The following HDHD2 variants were observed in gnomAD, a reference collection of about 807,000 sequenced individuals.
HDHD2 encodes haloacid dehalogenase-like hydrolase domain-containing protein 2.
Under a neutral mutation model 24.8 loss-of-function variants are expected in HDHD2, and 26 were observed. The ratio of observed to expected loss-of-function variants is 1.05; its 90% confidence interval spans 0.77 to 1.45. HDHD2 has a LOEUF of 1.45. Among genes scored for constraint, HDHD2 ranks in the 40% most tolerant of loss-of-function variants. The pLI is 0.00. For synonymous variants in HDHD2, 128 were observed against 114.9 expected (o/e 1.11, Z -0.73); for missense variants, 299 against 313.4 (o/e 0.95, Z 0.35).
At chr18:47,127,647 T>C (rs990459736) in intron 4 of HDHD2, among the ~76,000 whole-genome samples, 2 of 150,438 alleles carry the variant, frequency 1.3e-5, no homozygotes, top group Non-Finnish European at 3.0e-5. Context: ...TTTTTTGTTT[T>C]TCGAGATGAG....
intron 4 of HDHD2, among the ~76,000 whole-genome samples, chr18:47,127,116 G>T (rs367780020): frequency 2.0e-5 from 3 of 151,834 alleles, no homozygotes; most frequent in African/African-American, 7.3e-5. Flanking sequence ...AGCCAAGATC[G>T]CACCACTGCA....
At chr18:47,116,370 A>G (rs1302041277) in intron 4 of HDHD2, among the ~76,000 whole-genome samples, 3 of 152,204 alleles carry the variant, frequency 2.0e-5, no homozygotes, top group African/African-American at 7.2e-5. Context: ...AGAATTCATC[A>G]TATCTTACCC....
chr18:47,139,181 G>A (rs533715812), intron 1 of HDHD2, among the ~76,000 whole-genome samples: 2 of 151,972 alleles, frequency 1.3e-5, no homozygotes, highest in East Asian at 3.9e-4. Context: ...TTTGTTGGCC[G>A]GGCACGGTGG....
At chr18:47,146,516 C>T (rs1204289679) in intron 1 of HDHD2, among the ~76,000 whole-genome samples, 2 of 152,174 alleles carry the variant, frequency 1.3e-5, no homozygotes, top group East Asian at 3.9e-4. Flanking sequence ...GAGATTCTTT[C>T]ACAGTGTACC....
intron 4 of HDHD2, among the ~76,000 whole-genome samples, chr18:47,123,552 A>C (rs1235097245): frequency 6.6e-6 from 1 of 152,198 alleles, no homozygotes; most frequent in African/African-American, 2.4e-5. Context: ...ATGCCATTGC[A>C]CTCCAGCCTG....
At chr18:47,111,227 CT>C in intron 6 of HDHD2, 1 of 985,218 alleles carries the variant, frequency 1.0e-6, no homozygotes, top group Non-Finnish European at 1.2e-6. Flanking sequence ...AAACTGATGC[CT>C]GTGAAAGGCT....
chr18:47,112,515 A>G lies in HDHD2; in HGVS notation c.676+462T>C, dbSNP rs138325770. On this transcript the variant is annotated intron_variant, in intron 6 of 6. Transcript: ENST00000300605. ...AACCTTTTGCTCACCACAAACGGTA[A>G]GTAAAGAGAAAAAAGAGTTTTTCAA... 1.7e-3 allele frequency among the ~76,000 whole-genome samples: 264 copies of G among 152,366 alleles called. 1 individual carries two copies. The highest frequency in any genetic ancestry group is 6.2e-3 in the African/African-American group (258 of 41,586).
At chr18:47,109,274 AAG>A (rs1005259459) in intron 6 of HDHD2, 5 of 154,204 alleles carry the variant, frequency 3.2e-5, no homozygotes, top group African/African-American at 4.8e-5. Context: ...TGGGGAGGAA[AAG>A]AGTGATGGAT....
At chr18:47,111,854 C>A in intron 6 of HDHD2, 1 of 965,532 alleles carries the variant, frequency 1.0e-6, no homozygotes, top group Non-Finnish European at 1.2e-6. Context: ...GTCACTTTTT[C>A]TAAAAAATTC....
At chr18:47,135,974 A>T (rs1170111188) in intron 2 of HDHD2, among the ~76,000 whole-genome samples, 1 of 152,242 alleles carries the variant, frequency 6.6e-6, no homozygotes, top group Non-Finnish European at 1.5e-5. Context: ...AAAGAGCAGC[A>T]TTATGCCTGT....
chr18:47,128,131 A>G (rs961657131), intron 4 of HDHD2, among the ~76,000 whole-genome samples: 2 of 152,240 alleles, frequency 1.3e-5, no homozygotes, highest in African/African-American at 2.4e-5. Flanking sequence ...GAGTTGACCT[A>G]TAAGTGCACT....
chr18:47,116,955 A>G (rs2063562580), intron 4 of HDHD2, among the ~76,000 whole-genome samples: 1 of 152,208 alleles, frequency 6.6e-6, no homozygotes, highest in Admixed American at 6.5e-5. Flanking sequence ...CTTCCCTGGA[A>G]GAGGTGAAAC....
chr18:47,136,937 ACCT>A (rs2063772599), intron 1 of HDHD2: 3 of 479,294 alleles, frequency 6.3e-6, no homozygotes, highest in Non-Finnish European at 7.6e-6. Flanking sequence ...CACCACTGCC[ACCT>A]CCTCCTTTTT....
chr18:47,116,740 C>T (rs2063560914), intron 4 of HDHD2, among the ~76,000 whole-genome samples: 1 of 152,136 alleles, frequency 6.6e-6, no homozygotes, highest in African/African-American at 2.4e-5. Context: ...CCTGTCACCC[C>T]ACCCCCAAGC....
chr18:47,126,584 T>C (rs895714841), intron 4 of HDHD2, among the ~76,000 whole-genome samples: 1 of 152,150 alleles, frequency 6.6e-6, no homozygotes, highest in African/African-American at 2.4e-5. Flanking sequence ...TTCAAATACA[T>C]TATTCTTAAA....
rs192676011 is a variant in HDHD2 at position 47,142,762 on chromosome 18, C to G, written c.-10-6313G>C. On this transcript the variant is annotated intron_variant, in intron 1 of 6. Coordinates refer to ENST00000300605, the MANE Select transcript of HDHD2 (RefSeq NM_032124.5). ...TTATCTGCTCTCGAACCACCCCTCA[C>G]CCCTTTCTACACACACTGGTTTTAC... 2.1e-4 allele frequency among the ~76,000 whole-genome samples: 32 copies of G among 152,300 alleles called. 1 individual carries two copies. The highest frequency in any genetic ancestry group is 1.0e-3 in the South Asian group (5 of 4,820).
chr18:47,111,200 A>G, intron 6 of HDHD2: 1 of 985,300 alleles, frequency 1.0e-6, no homozygotes, highest in Non-Finnish European at 1.2e-6. Flanking sequence ...TGTTACGCTG[A>G]TGGCTTCTCA....
At chr18:47,144,977 A>G (rs899453423) in intron 1 of HDHD2, among the ~76,000 whole-genome samples, 1 of 152,222 alleles carries the variant, frequency 6.6e-6, no homozygotes, top group African/African-American at 2.4e-5. Context: ...TAATGTAATT[A>G]TCATAATGCC....
At chr18:47,115,074 G>A in intron 5 of HDHD2, 58 bp downstream of exon 5, 1 of 1,249,444 alleles carries the variant, frequency 8.0e-7, no homozygotes, top group Non-Finnish European at 1.2e-6. Flanking sequence ...GTGTTTCTAA[G>A]CTGGCTTTCC....
Sources: allele counts gnomAD v4.1 joint callset (sites outside exome capture counted in the v4.1 genomes callset), GRCh38; gene constraint gnomAD v4.1.1; transcripts MANE v1.5; gene names NCBI Gene and HGNC (gene_info 2026-07-23, HGNC 2026-07-21).